The following ANKH variants were observed in gnomAD, a reference collection of about 807,000 sequenced individuals.
ANKH encodes the protein mineralization regulator ANKH.
ANKH carries 15 observed loss-of-function variants against 49.0 expected under a neutral mutation model. The observed-to-expected ratio is 0.31, with a 90% CI of 0.20 to 0.47. ANKH has a LOEUF of 0.47. ANKH is among the 20% of genes least tolerant of loss of function. The pLI is 1.00. For synonymous variants in ANKH, 273 were observed against 260.0 expected (o/e 1.05, Z -0.48); for missense variants, 429 against 652.0 (o/e 0.66, Z 3.72).
intron 1 of ANKH, among the ~76,000 whole-genome samples, chr5:14,779,239 C>A (rs904764758): frequency 3.9e-5 from 6 of 152,112 alleles, no homozygotes; most frequent in Admixed American, 2.6e-4. Flanking sequence ...TTTCAGGAGC[C>A]CTGTTCAAAT....
At chr5:14,720,947 GGTA>G (rs1177310863) in intron 8 of ANKH, among the ~76,000 whole-genome samples, 5 of 152,242 alleles carry the variant, frequency 3.3e-5, no homozygotes, top group Non-Finnish European at 7.3e-5. Flanking sequence ...AGATGAGCCA[GGTA>G]ATCCCTGCTC....
At position 14,745,027 on chromosome 5, in the gene ANKH, T is replaced by G. The variant is rs1409907696; in HGVS notation, c.915+843A>C. On this transcript the variant is annotated intron_variant, in intron 7 of 11. Coordinates refer to ENST00000284268, the MANE Select transcript of ANKH (RefSeq NM_054027.6). The surrounding 1 kb of genome is among the most constrained non-coding windows in gnomAD (Gnocchi z 4.7). The stretch of plus-strand genomic sequence containing the variant: ...GGACACCCCTGGCCAGGAGGCTTCC[T>G]CTCCTCACTTCACAGGCTCTGGCTG... Among the ~76,000 whole-genome samples the G allele has an allele frequency of 1.3e-5, 2 of 152,162 alleles. No homozygotes were observed. Among genetic ancestry groups the G allele is most frequent in the African/African-American group, 4.8e-5 (2 of 41,422 alleles).
chr5:14,785,043 C>A (rs988367622), intron 1 of ANKH, among the ~76,000 whole-genome samples: 5 of 152,292 alleles, frequency 3.3e-5, no homozygotes. Flanking sequence ...ACTTTTCCTT[C>A]ATTTCTGCTC....
intron 9 of ANKH, among the ~76,000 whole-genome samples, chr5:14,714,003 T>C (rs1195083970): frequency 6.6e-6 from 1 of 152,256 alleles, no homozygotes; most frequent in Non-Finnish European, 1.5e-5. Flanking sequence ...TCTGATCATC[T>C]ACCTCTAGAA....
intron 11 of ANKH, among the ~76,000 whole-genome samples, chr5:14,712,504 G>C (rs1050581249): frequency 6.6e-6 from 1 of 152,250 alleles, no homozygotes; most frequent in African/African-American, 2.4e-5. Context: ...TGTGTGCACA[G>C]CCACATTGGT....
chr5:14,863,075 T>G (rs188695628), intron 1 of ANKH, among the ~76,000 whole-genome samples: 2 of 152,224 alleles, frequency 1.3e-5, no homozygotes, highest in East Asian at 3.9e-4. Flanking sequence ...CATTAAGTGG[T>G]TACACGGGCA....
At chr5:14,862,389 C>T (rs968292608) in intron 1 of ANKH, among the ~76,000 whole-genome samples, 2 of 152,216 alleles carry the variant, frequency 1.3e-5, no homozygotes, top group African/African-American at 4.8e-5. Flanking sequence ...AGCATCATGA[C>T]TGGTATTTGG....
At chr5:14,789,825 C>T (rs1389221965) in intron 1 of ANKH, among the ~76,000 whole-genome samples, 2 of 152,156 alleles carry the variant, frequency 1.3e-5, no homozygotes, top group Non-Finnish European at 2.9e-5. Context: ...ATTATCCAGC[C>T]TCAGTCTCCC....
intron 1 of ANKH, among the ~76,000 whole-genome samples, chr5:14,773,977 T>C (rs1405182850): frequency 6.6e-6 from 1 of 152,236 alleles, no homozygotes; most frequent in East Asian, 1.9e-4. Flanking sequence ...GATTTCATGT[T>C]TTTAATGACC....
At chr5:14,793,080 AAT>A (rs201879511) in intron 1 of ANKH, among the ~76,000 whole-genome samples, 20 of 115,574 alleles carry the variant, frequency 1.7e-4, no homozygotes, top group Middle Eastern at 7.8e-3. Context: ...AATATATAAA[AAT>A]ATATATATAA....
At chr5:14,775,249 T>G (rs533118944) in intron 1 of ANKH, among the ~76,000 whole-genome samples, 3 of 152,148 alleles carry the variant, frequency 2.0e-5, no homozygotes, top group Admixed American at 6.5e-5. Context: ...TTAATTTTTT[T>G]GTAGAGATGG....
chr5:14,809,346 A>G (rs1234729842), intron 1 of ANKH, among the ~76,000 whole-genome samples: 1 of 148,140 alleles, frequency 6.8e-6, no homozygotes, highest in Non-Finnish European at 1.5e-5. Context: ...AAAAAAAAAA[A>G]AAAAAAAAAA....
At chr5:14,787,705 G>A (rs911707218) in intron 1 of ANKH, among the ~76,000 whole-genome samples, 26 of 152,186 alleles carry the variant, frequency 1.7e-4, no homozygotes, top group Admixed American at 1.2e-3. Context: ...GGAAGCACCC[G>A]GCAAAGCAAA....
chr5:14,825,945 C>A (rs991690776), intron 1 of ANKH: 1 of 152,458 alleles, frequency 6.6e-6, no homozygotes, highest in Non-Finnish European at 1.5e-5. Context: ...CTTGAATCTG[C>A]AGTTAGTATT....
chr5:14,734,020 A>G (rs1487738066), intron 8 of ANKH, among the ~76,000 whole-genome samples: 4 of 152,240 alleles, frequency 2.6e-5, no homozygotes, highest in African/African-American at 9.6e-5. Context: ...ATGAAGCCCT[A>G]CTGAGTGACT....
chr5:14,741,609 C>A, intron 8 of ANKH: 1 of 540,878 alleles, frequency 1.8e-6, no homozygotes, highest in Non-Finnish European at 3.3e-6. Flanking sequence ...TTGAGAAGTC[C>A]CAAGAAATGC....
chr5:14,868,091 G>C (rs1461799002), intron 1 of ANKH, among the ~76,000 whole-genome samples: 1 of 152,140 alleles, frequency 6.6e-6, no homozygotes, highest in Non-Finnish European at 1.5e-5. Flanking sequence ...AGAAGTTTCT[G>C]GAGAGACTGT....
rs537505808 is a variant in ANKH, at chr5:14,725,750, A to T, written c.1012-8915T>A. Among the ~76,000 whole-genome samples, 4 of 151,570 alleles carry T rather than the reference A, an allele frequency of 2.6e-5. No individual in the cohort carries two copies. Among genetic ancestry groups the T allele is most frequent in the Admixed American group, 1.3e-4 (2 of 15,236 alleles). ...CATGTATTCTTTTTATCAGAAAAAC[A>T]TTTTTTTTTCTTTTGAGATGCAGCC... is the stretch of plus-strand genomic sequence containing the variant. On this transcript the variant is annotated intron_variant, in intron 8 of 11. Coordinates refer to ENST00000284268, the MANE Select transcript of ANKH (RefSeq NM_054027.6). The surrounding 1 kb of genome is among the most constrained non-coding windows in gnomAD (Gnocchi z 4.0).
At chr5:14,759,623 G>A (rs1308768090) in intron 2 of ANKH, among the ~76,000 whole-genome samples, 2 of 151,970 alleles carry the variant, frequency 1.3e-5, no homozygotes, top group African/African-American at 2.4e-5. Flanking sequence ...CCGGCATGGT[G>A]GTACATGCCT....
Sources: allele counts gnomAD v4.1 joint callset (sites outside exome capture counted in the v4.1 genomes callset), GRCh38; gene constraint gnomAD v4.1.1; non-coding constraint Gnocchi (gnomAD v3.1); transcripts MANE v1.5; gene names NCBI Gene and HGNC (gene_info 2026-07-23, HGNC 2026-07-21).